Variants in METTL6 observed in about 807,000 individuals in gnomAD.
METTL6 encodes the protein tRNA N(3)-cytidine methyltransferase METTL6.
A neutral mutation model predicts 26.4 loss-of-function variants in METTL6; 22 were observed. That is an observed-to-expected ratio of 0.83 (90% CI 0.59 to 1.19). The LOEUF is 1.19. Ranked by LOEUF, METTL6 falls within the 50% of genes most tolerant of loss-of-function variation. METTL6 has a pLI of 0.00. For synonymous variants in METTL6, 109 were observed against 116.2 expected, an observed-to-expected ratio of 0.94 and a Z score of 0.40; for missense variants, 304 against 324.8, an observed-to-expected ratio of 0.94 and a Z score of 0.49.
chr3:15,387,375 G>T (rs1699227435), intron 6 of METTL6, among the ~76,000 whole-genome samples: 3 of 152,158 alleles, frequency 2.0e-5, no homozygotes, highest in Admixed American at 6.5e-5. Context: ...TTATCAGTAA[G>T]GTCTTTGTGA....
chr3:15,392,455 A>C (rs1404323930), intron 6 of METTL6, among the ~76,000 whole-genome samples: 1 of 151,834 alleles, frequency 6.6e-6, no homozygotes, highest in African/African-American at 2.4e-5. Context: ...TTGCCTGTTC[A>C]CTCTGATGGT....
At chr3:15,391,516 T>C (rs899390826) in intron 6 of METTL6, among the ~76,000 whole-genome samples, 1 of 152,174 alleles carries the variant, frequency 6.6e-6, no homozygotes, top group Non-Finnish European at 1.5e-5. Flanking sequence ...TATTTATTTT[T>C]ATTATACTTT....
chr3:15,396,544 C>T (rs1341340639), intron 6 of METTL6, among the ~76,000 whole-genome samples: 1 of 152,210 alleles, frequency 6.6e-6, no homozygotes, highest in Admixed American at 6.5e-5. Flanking sequence ...GAGCTGCGTT[C>T]CTTTGGAGGA....
chr3:15,404,002 G>C (rs1189969213), intron 6 of METTL6, among the ~76,000 whole-genome samples: 1 of 152,132 alleles, frequency 6.6e-6, no homozygotes, highest in East Asian at 1.9e-4. Context: ...TGGTTTTGCT[G>C]GGATTTGGCT....
intron 6 of METTL6, among the ~76,000 whole-genome samples, chr3:15,399,720 A>T (rs191843146): frequency 1.8e-3 from 271 of 152,178 alleles, no homozygotes; most frequent in African/African-American, 6.4e-3. Flanking sequence ...AGCCATGGAG[A>T]GTGCAGCCCA....
rs1051220629 is a variant in METTL6, at chr3:15,425,226, C to G, written c.226-137G>C. 12 of 842,326 alleles carry G rather than the reference C, an allele frequency of 1.4e-5. No individual in the cohort carries two copies. In the Admixed American group the frequency reaches 1.7e-4, roughly 12 times the overall value. The allele number at this position is 842,326 out of a possible 1,614,324, so 52.2% of individuals were successfully genotyped here. On this transcript the variant is annotated intron_variant, in intron 2 of 5. Coordinates refer to ENST00000383790, the MANE Select transcript of METTL6 (RefSeq NM_152396.4). Reference sequence around the variant, plus strand: ...CAACAAGAGAACTAATAAGCAAAAGCTAATACTGGTACTTCATTTGTCATC... The same window carrying G: ...CAACAAGAGAACTAATAAGCAAAAGGTAATACTGGTACTTCATTTGTCATC...
chr3:15,386,704 G>C (rs547784423), intron 6 of METTL6, among the ~76,000 whole-genome samples: 2 of 152,164 alleles, frequency 1.3e-5, no homozygotes, highest in South Asian at 4.1e-4. Context: ...AAACTCTGCT[G>C]TTTTGCCTCT....
At position 15,426,281 on chromosome 3, in the gene METTL6, G is replaced by C; in HGVS notation, c.225+6C>G. On this transcript the variant is annotated splice_donor_region_variant and intron_variant, in intron 2 of 5. Coordinates refer to ENST00000383790, the MANE Select transcript of METTL6 (RefSeq NM_152396.4). The stretch of plus-strand genomic sequence containing the variant: ...ACAGCTCAGATAAGGCGTAATATTA[G>C]CTTACCTCTCTACATGATCTTAGCT... 1 of 1,612,534 alleles carries C rather than the reference G, an allele frequency of 6.2e-7. No individual in the cohort carries two copies. The highest frequency in any genetic ancestry group is 1.1e-5 in the South Asian group (1 of 91,040).
rs770012732 is a variant in METTL6 at position 15,414,177 on chromosome 3, C to A, written c.532-15G>T. 3 of 1,597,972 alleles carry A rather than the reference C, an allele frequency of 1.9e-6. No homozygotes were observed. On this transcript the variant is annotated splice_polypyrimidine_tract_variant and intron_variant, in intron 4 of 5. Coordinates refer to ENST00000383790, the MANE Select transcript of METTL6 (RefSeq NM_152396.4). ...GGTTTTAATACCTATGAAACAAAAG[C>A]AGGCTGAACATGACTTTGGAGAACC...
rs1186651304 is a variant in METTL6, at chr3:15,414,957, A to C, written c.532-795T>G. The C allele has an allele frequency of 9.7e-6, 11 of 1,131,642 alleles. No individual in the cohort carries two copies. In the East Asian group the frequency reaches 6.6e-4, roughly 68 times the overall value. The allele number at this position is 1,131,642 out of a possible 1,614,324, so 70.1% of individuals were successfully genotyped here. ...AAATAAGTGTTAGAGACAATAAATG[A>C]AAGTGTTATCCTCATTGAAGCACTT... On this transcript the variant is annotated intron_variant, in intron 4 of 5. Coordinates refer to ENST00000383790, the MANE Select transcript of METTL6 (RefSeq NM_152396.4).
At chr3:15,391,823 T>A (rs1436973896) in intron 6 of METTL6, among the ~76,000 whole-genome samples, 1 of 152,206 alleles carries the variant, frequency 6.6e-6, no homozygotes, top group African/African-American at 2.4e-5. Context: ...ACAAAGGACA[T>A]GAACTCACCA....
intron 6 of METTL6, among the ~76,000 whole-genome samples, chr3:15,402,455 C>T (rs568662677): frequency 4.6e-5 from 7 of 151,936 alleles, no homozygotes; most frequent in Non-Finnish European, 8.8e-5. Context: ...AAAACCTGGC[C>T]GGGCATGGTG....
chr3:15,397,047 T>G (rs1327971316), intron 6 of METTL6, among the ~76,000 whole-genome samples: 1 of 152,228 alleles, frequency 6.6e-6, no homozygotes, highest in African/African-American at 2.4e-5. Flanking sequence ...CAGAGGTTTC[T>G]GCTGCCTTTT....
chr3:15,417,858 G>A (rs964135529), intron 3 of METTL6, among the ~76,000 whole-genome samples: 1 of 152,036 alleles, frequency 6.6e-6, no homozygotes, highest in African/African-American at 2.4e-5. Context: ...ATTAGAGAAC[G>A]ACCCCCTCTC....
intron 6 of METTL6, among the ~76,000 whole-genome samples, chr3:15,387,546 TC>T (rs1405672656): frequency 1.3e-5 from 2 of 152,216 alleles, no homozygotes; most frequent in East Asian, 3.8e-4. Flanking sequence ...TTCCCCTTTG[TC>T]CTCTGAAGGT....
At position 15,410,292 on chromosome 3, in the gene METTL6, T is replaced by C. The variant is rs1362821898; in HGVS notation, c.*964A>G. Among the ~76,000 whole-genome samples the C allele has an allele frequency of 1.3e-5, 2 of 152,126 alleles. No homozygotes were observed. Among genetic ancestry groups the C allele is most frequent in the South Asian group, 2.1e-4 (1 of 4,824 alleles). ...AAAGAACAACTTTAACAATATACCG[T>C]AATAAAAGTTATGTGAATGTGATCT... is the stretch of plus-strand genomic sequence containing the variant. On this transcript the variant is annotated 3_prime_UTR_variant, in exon 6 of 6. Coordinates refer to ENST00000383790, the MANE Select transcript of METTL6 (RefSeq NM_152396.4).
chr3:15,396,270 A>G (rs1239344372), intron 6 of METTL6, among the ~76,000 whole-genome samples: 1 of 152,006 alleles, frequency 6.6e-6, no homozygotes, highest in Non-Finnish European at 1.5e-5. Flanking sequence ...CCTTTCTTCC[A>G]GTTGATTGAA....
chr3:15,387,204 A>C (rs1429727307), intron 6 of METTL6, among the ~76,000 whole-genome samples: 2 of 152,162 alleles, frequency 1.3e-5, no homozygotes, highest in African/African-American at 4.8e-5. Context: ...CCATCATCTG[A>C]TGATCACCTG....
chr3:15,381,857 T>C (rs1295186974), exon 7 of METTL6: 3 of 151,978 alleles, frequency 2.0e-5, no homozygotes, highest in African/African-American at 7.3e-5. Context: ...TGTCAGATTA[T>C]CTCTTAGGAA....
Sources: allele counts gnomAD v4.1 joint callset (sites outside exome capture counted in the v4.1 genomes callset), GRCh38; gene constraint gnomAD v4.1.1; transcripts MANE v1.5; gene names NCBI Gene and HGNC (gene_info 2026-07-23, HGNC 2026-07-21).